STOX2: variants seen among roughly 807,000 people sequenced by gnomAD.
The protein encoded by STOX2 is storkhead-box protein 2.
In STOX2, 28 loss-of-function variants were observed where a neutral mutation model predicts 60.9. The ratio of observed to expected loss-of-function variants is 0.46; its 90% confidence interval spans 0.34 to 0.63. The LOEUF is 0.63. Ranked by LOEUF, STOX2 falls within the 30% of genes least tolerant of loss-of-function variation. STOX2 has a pLI of 0.01. For synonymous variants in STOX2, 472 were observed against 463.9 expected (o/e 1.02, Z -0.22); for missense variants, 1,024 against 1,187.7 (o/e 0.86, Z 2.03).
intron 1 of STOX2, among the ~76,000 whole-genome samples, chr4:183,992,711 T>G (rs1733163980): frequency 6.6e-6 from 1 of 152,196 alleles, no homozygotes; most frequent in Admixed American, 6.5e-5. Context: ...GGCTTTACCT[T>G]CATTCTGGTT....
chr4:183,847,495 A>G (rs1392825033), intron 1 of STOX2, among the ~76,000 whole-genome samples: 5 of 152,226 alleles, frequency 3.3e-5, no homozygotes, highest in African/African-American at 1.2e-4. Flanking sequence ...ATAATTCAGA[A>G]CATATTGCCT....
intron 1 of STOX2, among the ~76,000 whole-genome samples, chr4:183,818,836 C>T (rs1000077228): frequency 2.0e-5 from 3 of 151,028 alleles, no homozygotes; most frequent in South Asian, 4.2e-4. Context: ...GACGGGGTCG[C>T]GACCGGGCAG....
rs1240657454 is a variant in STOX2 at position 183,821,638 on chromosome 4, G to T, written c.364+23583G>T. ...TGGCAGGCAGGTAGGCTGGGAAGGT[G>T]AGGGTTGGCAGTGTGTCCTCTTCCG... On this transcript the variant is annotated intron_variant, in intron 1 of 2. Coordinates refer to the STOX2 transcript ENST00000513034. The surrounding 1 kb of genome is among the most constrained non-coding windows in gnomAD (Gnocchi z 4.2). Among the ~76,000 whole-genome samples, 1 of 152,224 alleles carries T rather than the reference G, an allele frequency of 6.6e-6. No individual in the cohort carries two copies. Among genetic ancestry groups the T allele is most frequent in the Non-Finnish European group, 1.5e-5 (1 of 68,032 alleles).
chr4:183,858,359 C>T (rs1740351749), intron 1 of STOX2, among the ~76,000 whole-genome samples: 1 of 152,248 alleles, frequency 6.6e-6, no homozygotes, highest in South Asian at 2.1e-4. Context: ...TCTAGTTTCC[C>T]TTCAGATCCT....
chr4:183,857,255 C>G (rs1422749352), intron 1 of STOX2, among the ~76,000 whole-genome samples: 2 of 129,998 alleles, frequency 1.5e-5, no homozygotes, highest in Non-Finnish European at 3.5e-5. Flanking sequence ...TCTCGCAGGA[C>G]TGGTTATCCT....
At chr4:184,006,774 TG>T (rs1345878011) in intron 2 of STOX2, among the ~76,000 whole-genome samples, 1 of 150,912 alleles carries the variant, frequency 6.6e-6, no homozygotes. Flanking sequence ...ACCAGCACTT[TG>T]GGAGGCCGAG....
At chr4:183,854,833 A>G (rs1190429873) in intron 1 of STOX2, among the ~76,000 whole-genome samples, 1 of 152,224 alleles carries the variant, frequency 6.6e-6, no homozygotes, top group Non-Finnish European at 1.5e-5. Context: ...ACACATATGG[A>G]AGATTGCTTA....
chr4:183,969,625 G>C (rs191889801), intron 1 of STOX2, among the ~76,000 whole-genome samples: 5 of 148,996 alleles, frequency 3.4e-5, no homozygotes, highest in African/African-American at 1.3e-4. Context: ...AGGGTTGCAG[G>C]GTTTTTTTTT....
At chr4:183,864,772 T>A (rs998044696) in intron 1 of STOX2, among the ~76,000 whole-genome samples, 1 of 152,170 alleles carries the variant, frequency 6.6e-6, no homozygotes, top group Non-Finnish European at 1.5e-5. Context: ...TGAAGTAAGA[T>A]CAAACCCAAA....
Position 183,809,549 on chromosome 4 carries a change from C to G in STOX2, c.364+11494C>G, listed in dbSNP as rs193047492. On this transcript the variant is annotated intron_variant, in intron 1 of 2. Coordinates refer to the STOX2 transcript ENST00000513034. ...GAGTAGCTGGGATTCCAGGCACGTG[C>G]CATCACACCCAGCTAATTTTTCTAC... Among the ~76,000 whole-genome samples the G allele has an allele frequency of 6.3e-3, 962 of 152,264 alleles. 9 individuals carry two copies. The highest frequency in any genetic ancestry group is 0.021 in the African/African-American group (893 of 41,546).
chr4:183,946,464 C>G (rs552856933), intron 1 of STOX2, among the ~76,000 whole-genome samples: 19 of 152,178 alleles, frequency 1.2e-4, no homozygotes, highest in African/African-American at 4.6e-4. Flanking sequence ...TGCTCAAGTT[C>G]CTAGTATAAA....
chr4:184,010,635 C>T lies in STOX2; in HGVS notation c.1797C>T (p.Asp599=). 6.2e-7 allele frequency: 1 copy of T among 1,614,064 alleles called. No individual in the cohort carries two copies. Among genetic ancestry groups the T allele is most frequent in the Non-Finnish European group, 8.5e-7 (1 of 1,179,894 alleles). The change falls in exon 3 of 4, where the codon GAC becomes GAT. Residue 599 remains aspartate, a synonymous_variant. Coordinates refer to ENST00000308497, the MANE Select transcript of STOX2 (RefSeq NM_020225.3). This position sits in a 1 kb window ranked among gnomAD's most constrained non-coding sequence, Gnocchi z 4.5. ...GTCCAACAAAAACAGCCACAGATGA[C>T]TATTTCCAGTGCAACACCTCTAGTG... ...NSCPTKTATD[D]YFQCNTSSET... is the part of the protein sequence containing the mutation.
chr4:183,832,428 G>A (rs1437710772), intron 1 of STOX2, among the ~76,000 whole-genome samples: 1 of 144,058 alleles, frequency 6.9e-6, no homozygotes, highest in African/African-American at 2.5e-5. Context: ...ACTTCATCCA[G>A]TTTTTTAAAA....
rs1057222452 is a variant in STOX2, at chr4:183,807,074, G to C, written c.364+9019G>C. ...TGCAAGCTCCGTCTCCCGGGTTCAC[G>C]CCATTCTCCTGCTTCAGCCTCCCGA... On this transcript the variant is annotated intron_variant, in intron 1 of 2. Transcript: ENST00000513034. 2.2e-4 allele frequency among the ~76,000 whole-genome samples: 33 copies of C among 152,174 alleles called. No homozygotes were observed. In the East Asian group the frequency reaches 2.3e-3, roughly 11 times the overall value.
chr4:183,857,469 C>T (rs796481006), intron 1 of STOX2, among the ~76,000 whole-genome samples: 3 of 152,246 alleles, frequency 2.0e-5, no homozygotes, highest in Non-Finnish European at 4.4e-5. Context: ...GGCAGTGCCA[C>T]GGCTGCCTGG....
intron 3 of STOX2, 110 bp from the exon 4 acceptor site, chr4:184,016,979 G>T (rs908259041): frequency 2.2e-6 from 2 of 895,480 alleles, no homozygotes; most frequent in Non-Finnish European, 3.3e-6. Context: ...ATGACATTAT[G>T]AACCAACAGA....
chr4:183,821,839 G>T lies in STOX2; in HGVS notation c.364+23784G>T, dbSNP rs567657830. Among the ~76,000 whole-genome samples, 1 of 152,348 alleles carries T rather than the reference G, an allele frequency of 6.6e-6. No individual in the cohort carries two copies. The highest frequency in any genetic ancestry group is 2.1e-4 in the South Asian group (1 of 4,824). The stretch of plus-strand genomic sequence containing the variant: ...GCATTCTGACCCCTGCCCCAGGTTT[G>T]TGAGTCTGTAGGGTGGGGTTCTAGT... On this transcript the variant is annotated intron_variant, in intron 1 of 2. Transcript: ENST00000513034. The surrounding 1 kb of genome is among the most constrained non-coding windows in gnomAD (Gnocchi z 4.2).
At chr4:183,987,268 T>A (rs1732885556) in intron 1 of STOX2, among the ~76,000 whole-genome samples, 2 of 152,032 alleles carry the variant, frequency 1.3e-5, no homozygotes, top group Non-Finnish European at 2.9e-5. Flanking sequence ...GTCTTCCTCC[T>A]GAGATGTTTA....
chr4:183,832,838 C>T (rs537588513), intron 1 of STOX2, among the ~76,000 whole-genome samples: 2 of 152,232 alleles, frequency 1.3e-5, no homozygotes, highest in African/African-American at 2.4e-5. Context: ...CTCTGACTCT[C>T]GGCTCAATTA....
Sources: gnomAD v4.1 joint callset for allele counts (sites outside exome capture counted in the v4.1 genomes callset) on GRCh38, gnomAD v4.1.1 for gene constraint, Gnocchi (gnomAD v3.1) non-coding constraint, MANE v1.5 for transcripts, NCBI Gene and HGNC (gene_info 2026-07-23, HGNC 2026-07-21) for gene names.